PUM2: variants seen among roughly 807,000 people sequenced by gnomAD.
PUM2 encodes pumilio homolog 2.
Under a neutral mutation model 124.5 loss-of-function variants are expected in PUM2, and 57 were observed. The ratio of observed to expected loss-of-function variants is 0.46; its 90% CI spans 0.37 to 0.57. The LOEUF is 0.57. Among genes scored for constraint, PUM2 ranks in the 20% least tolerant of loss-of-function variants. The probability of loss-of-function intolerance (pLI) is 0.00; values close to 1 mark genes in which losing one functional copy is unlikely to be tolerated. For missense variants in PUM2, 1,065 were observed against 1,290.6 expected (o/e 0.83, Z 2.68); for synonymous variants, 460 against 446.1 (o/e 1.03, Z -0.39).
At position 20,283,045 on chromosome 2, in the gene PUM2, T is replaced by C. The variant is rs1671902221; in HGVS notation, c.1622A>G (p.His541Arg). 1 of 1,613,254 alleles carries C rather than the reference T, an allele frequency of 6.2e-7. No individual in the cohort carries two copies. Among genetic ancestry groups the C allele is most frequent in the Non-Finnish European group, 8.5e-7 (1 of 1,179,258 alleles). ...NSSQSSSLFSHGPGQPGSTSL... is the reference protein window; with the variant it reads ...NSSQSSSLFSRGPGQPGSTSL... Reference sequence around the variant, plus strand: ...TGTACTTCCAGGTTGACCAGGTCCATGAGAAAATAAAGAACTACTCTGGGA... The same window carrying C: ...TGTACTTCCAGGTTGACCAGGTCCACGAGAAAATAAAGAACTACTCTGGGA... The change falls in exon 12 of 21, where the codon CAT (histidine) becomes CGT (arginine). Residue 541 changes from histidine (H) to arginine (R), a missense_variant. Coordinates refer to ENST00000361078, the MANE Select transcript of PUM2 (RefSeq NM_015317.5).
At chr2:20,348,086 G>A (rs1285018503) in intron 1 of PUM2, among the ~76,000 whole-genome samples, 2 of 152,038 alleles carry the variant, frequency 1.3e-5, no homozygotes, top group African/African-American at 2.4e-5. Context: ...ATTTTGGGAG[G>A]CCAAGGCGGG....
chr2:20,277,451 T>G lies in PUM2; in HGVS notation c.1957+1132A>C, dbSNP rs1169189958. Among the ~76,000 whole-genome samples the G allele has an allele frequency of 4.6e-5, 7 of 152,048 alleles. 1 individual carries two copies. In the South Asian group the frequency reaches 1.4e-3, roughly 31 times the overall value. ...ATTAATTGGCTGTATATGTTCAGTA[T>G]CAATACCCCAAATGAGCAAAGGCCC... On this transcript the variant is annotated intron_variant, in intron 13 of 20. Transcript: ENST00000361078.
intron 1 of PUM2, among the ~76,000 whole-genome samples, chr2:20,347,772 C>T (rs762591926): frequency 1.3e-5 from 2 of 152,124 alleles, no homozygotes; most frequent in Non-Finnish European, 2.9e-5. Context: ...GGCTTCCAAA[C>T]ACACTCCATA....
chr2:20,344,764 C>T (rs1461157140), intron 1 of PUM2, among the ~76,000 whole-genome samples: 5 of 151,874 alleles, frequency 3.3e-5, no homozygotes, highest in East Asian at 1.9e-4. Context: ...CGGCGGATCA[C>T]GAGGTCAGGA....
intron 10 of PUM2, among the ~76,000 whole-genome samples, chr2:20,288,411 A>G (rs1216504616): frequency 6.6e-6 from 1 of 152,230 alleles, no homozygotes; most frequent in Non-Finnish European, 1.5e-5. Context: ...TATATTAGAG[A>G]TACTGCAAAG....
At chr2:20,337,191 G>A (rs367652660) in intron 1 of PUM2, among the ~76,000 whole-genome samples, 74 of 152,154 alleles carry the variant, frequency 4.9e-4, no homozygotes, top group African/African-American at 1.7e-3. Context: ...GTGTAAGCCT[G>A]CTTCTCACAA....
intron 3 of PUM2, among the ~76,000 whole-genome samples, chr2:20,313,567 C>G (rs913141697): frequency 6.6e-6 from 1 of 152,166 alleles, no homozygotes; most frequent in Admixed American, 6.5e-5. Context: ...ACAGCAGGGG[C>G]TCATACGTGC....
Position 20,308,064 on chromosome 2 carries a change from T to C in PUM2, c.797A>G (p.Gln266Arg). ...FDYNSQQQLF[Q>R]RTNALTVQQL... ...TTGAACTGTTAGTGCATTAGTCCTC[T>C]GAAAGAGCTATTAGGGAAAATATTT... Residue 266 changes from glutamine (Q) to arginine (R), a missense_variant, in exon 7 of 21, where the codon CAG (glutamine) becomes CGG (arginine). Gln to Arg is a conservative substitution (Grantham distance 43). Coordinates refer to ENST00000361078, the MANE Select transcript of PUM2 (RefSeq NM_015317.5). 1.2e-6 allele frequency: 2 copies of C among 1,611,000 alleles called. No homozygotes were observed. The highest frequency in any genetic ancestry group is 1.7e-6 in the Non-Finnish European group (2 of 1,177,614).
intron 1 of PUM2, among the ~76,000 whole-genome samples, chr2:20,348,598 C>T (rs1369318827): frequency 1.4e-4 from 21 of 152,220 alleles, no homozygotes; most frequent in Non-Finnish European, 2.9e-4. Flanking sequence ...AAGATAAGTA[C>T]CTACTCCGGA....
chr2:20,265,125 A>C (rs1180001403), intron 13 of PUM2, among the ~76,000 whole-genome samples: 1 of 151,798 alleles, frequency 6.6e-6, no homozygotes, highest in Admixed American at 6.6e-5. Flanking sequence ...GGTGGCGTGC[A>C]CCTGTAATCC....
At chr2:20,303,521 A>G (rs896373420) in intron 7 of PUM2, among the ~76,000 whole-genome samples, 6 of 149,962 alleles carry the variant, frequency 4.0e-5, no homozygotes, top group South Asian at 2.1e-4. Flanking sequence ...TAATTTAGGG[A>G]GAACTGACAT....
intron 1 of PUM2, among the ~76,000 whole-genome samples, chr2:20,334,776 A>G (rs1481795769): frequency 1.3e-5 from 2 of 152,216 alleles, no homozygotes; most frequent in Non-Finnish European, 2.9e-5. Flanking sequence ...GCAACTTCAC[A>G]CAGGCACTAC....
chr2:20,340,216 C>T (rs1349364251), intron 1 of PUM2, among the ~76,000 whole-genome samples: 1 of 152,116 alleles, frequency 6.6e-6, no homozygotes, highest in Non-Finnish European at 1.5e-5. Context: ...GATATGAATA[C>T]AGAAAATACC....
chr2:20,336,746 ATCTGTGTGTGTGTGTG>A (rs1382287858), intron 1 of PUM2, among the ~76,000 whole-genome samples: 1 of 87,312 alleles, frequency 1.1e-5, no homozygotes, highest in African/African-American at 4.8e-5. Flanking sequence ...GCCCAGGCTG[ATCTGTGTGTGTGTGTG>A]TGTGTGTGTG....
chr2:20,280,944 ACT>A (rs1162324946), intron 12 of PUM2, among the ~76,000 whole-genome samples: 1 of 152,228 alleles, frequency 6.6e-6, no homozygotes, highest in Non-Finnish European at 1.5e-5. Flanking sequence ...GGTATTTAAC[ACT>A]GTTAAACATT....
intron 2 of PUM2, among the ~76,000 whole-genome samples, chr2:20,326,881 T>C (rs1683812401): frequency 6.6e-6 from 1 of 152,020 alleles, no homozygotes; most frequent in Non-Finnish European, 1.5e-5. Context: ...CCCAGTCGAG[T>C]CTTGTAGAAG....
chr2:20,284,448 T>C (rs1389798971), intron 10 of PUM2, among the ~76,000 whole-genome samples: 1 of 152,164 alleles, frequency 6.6e-6, no homozygotes, highest in Non-Finnish European at 1.5e-5. Flanking sequence ...CTCAAACTCC[T>C]GGGCTTACAT....
At chr2:20,295,554 A>G (rs953140923) in intron 8 of PUM2, among the ~76,000 whole-genome samples, 2 of 152,172 alleles carry the variant, frequency 1.3e-5, no homozygotes, top group Non-Finnish European at 2.9e-5. Context: ...CATTGTAAAA[A>G]TAAAACAATA....
At chr2:20,305,563 G>A (rs1432415203) in intron 7 of PUM2, among the ~76,000 whole-genome samples, 2 of 148,874 alleles carry the variant, frequency 1.3e-5, no homozygotes, top group Non-Finnish European at 3.0e-5. Context: ...GATACACAGA[G>A]ACTAATTTCA....
Sources: gnomAD v4.1 joint callset for allele counts (sites outside exome capture counted in the v4.1 genomes callset) on GRCh38, gnomAD v4.1.1 for gene constraint, MANE v1.5 for transcripts, NCBI Gene and HGNC (gene_info 2026-07-23, HGNC 2026-07-21) for gene names.